Variants in ARL15 observed in about 807,000 individuals in gnomAD.
ARL15 encodes the protein ARF like GTPase 15.
In ARL15, 19 loss-of-function variants were observed where a neutral mutation model predicts 25.2. That is an observed-to-expected ratio of 0.75 (90% confidence interval 0.53 to 1.10). ARL15 has a LOEUF of 1.10. Ranked by LOEUF, ARL15 falls within the 50% of genes least tolerant of loss-of-function variation. The pLI is 0.00. For missense variants in ARL15, 220 were observed against 246.0 expected, an observed-to-expected ratio of 0.89 and a Z score of 0.71; for synonymous variants, 94 against 86.8, an observed-to-expected ratio of 1.08 and a Z score of -0.46.
chr5:54,136,582 C>A (rs990758658), intron 3 of ARL15, among the ~76,000 whole-genome samples: 8 of 151,756 alleles, frequency 5.3e-5, no homozygotes, highest in Non-Finnish European at 1.0e-4. Flanking sequence ...GAAAAAAAAA[C>A]ATACATTAAA....
rs192454190 is a variant in ARL15 at position 54,035,950 on chromosome 5, A to G, written c.462+77252T>C. 1.4e-4 allele frequency among the ~76,000 whole-genome samples: 21 copies of G among 152,228 alleles called. No homozygotes were observed. The East Asian group carries it at 4.0e-3, about 29-fold the overall frequency. ...TGAGAGGATCACTTGAGGCTAGGACATTGATATCAGCCTAGGCAACATAGC... is the reference window on the plus strand; with the variant it reads ...TGAGAGGATCACTTGAGGCTAGGACGTTGATATCAGCCTAGGCAACATAGC... On this transcript the variant is annotated intron_variant, in intron 4 of 4. Transcript: ENST00000504924.
At chr5:53,965,084 T>A (rs1747505135) in intron 4 of ARL15, among the ~76,000 whole-genome samples, 1 of 152,244 alleles carries the variant, frequency 6.6e-6, no homozygotes, top group South Asian at 2.1e-4. Context: ...CTCCTTTAAC[T>A]TCTGCCCAGG....
intron 1 of ARL15, among the ~76,000 whole-genome samples, chr5:54,233,677 G>A (rs979567404): frequency 6.6e-6 from 1 of 152,214 alleles, no homozygotes; most frequent in African/African-American, 2.4e-5. Context: ...GGTTCCACAT[G>A]GCAACTAGCC....
chr5:53,907,124 A>G (rs984547654), intron 4 of ARL15, among the ~76,000 whole-genome samples: 2 of 151,996 alleles, frequency 1.3e-5, no homozygotes, highest in African/African-American at 4.8e-5. Flanking sequence ...GGCTAGCAAG[A>G]AGTACAGCTT....
At chr5:54,258,406 A>C (rs540130872) in intron 1 of ARL15, among the ~76,000 whole-genome samples, 8 of 152,306 alleles carry the variant, frequency 5.3e-5, no homozygotes, top group African/African-American at 1.4e-4. Flanking sequence ...TTCACGAGCT[A>C]TGTCTGTCTA....
chr5:54,280,335 TA>T (rs1758023365), intron 1 of ARL15, among the ~76,000 whole-genome samples: 1 of 152,192 alleles, frequency 6.6e-6, no homozygotes, highest in Non-Finnish European at 1.5e-5. Context: ...TTAAAATAAC[TA>T]AAAAACATGT....
chr5:53,989,599 GTA>G (rs145181110), intron 4 of ARL15, among the ~76,000 whole-genome samples: 2 of 145,710 alleles, frequency 1.4e-5, no homozygotes, highest in Non-Finnish European at 3.0e-5. Flanking sequence ...GTGTGTGTGT[GTA>G]TGGGTGTGTG....
chr5:54,164,954 G>T, intron 2 of ARL15, among the ~76,000 whole-genome samples: 1 of 150,862 alleles, frequency 6.6e-6, no homozygotes, highest in South Asian at 2.1e-4. Flanking sequence ...TTCTTTTTCT[G>T]CCTTCTTTTG....
Position 54,284,473 on chromosome 5 carries a change from C to T in ARL15, c.48+25959G>A, listed in dbSNP as rs191791661. Among the ~76,000 whole-genome samples the T allele has an allele frequency of 1.9e-3, 284 of 152,242 alleles. 1 individual carries two copies. The highest frequency in any genetic ancestry group is 6.3e-3 in the African/African-American group (261 of 41,556). ...CCTAATCCTAACCAGTACAGAGCAA[C>T]GTTTGTTTTTAAAAAGTAGGTATTC... On this transcript the variant is annotated intron_variant, in intron 1 of 4. Transcript: ENST00000504924.
intron 1 of ARL15, among the ~76,000 whole-genome samples, chr5:54,195,788 G>C (rs1755532790): frequency 6.6e-6 from 1 of 151,968 alleles, no homozygotes; most frequent in Admixed American, 6.6e-5. Context: ...TATACAACTA[G>C]CTCATTATTT....
At chr5:54,064,817 A>T (rs1751168522) in intron 4 of ARL15, among the ~76,000 whole-genome samples, 1 of 152,182 alleles carries the variant, frequency 6.6e-6, no homozygotes, top group Non-Finnish European at 1.5e-5. Flanking sequence ...GAACTGTCTG[A>T]GTCAACTTAT....
At chr5:54,098,464 C>T (rs1485168766) in intron 4 of ARL15, among the ~76,000 whole-genome samples, 5 of 152,130 alleles carry the variant, frequency 3.3e-5, no homozygotes, top group Admixed American at 3.3e-4. Flanking sequence ...TGCATCACTG[C>T]TCATTAGATC....
At chr5:53,908,590 A>G (rs1745349809) in intron 4 of ARL15, among the ~76,000 whole-genome samples, 1 of 152,208 alleles carries the variant, frequency 6.6e-6, no homozygotes, top group African/African-American at 2.4e-5. Flanking sequence ...GGACAACTGT[A>G]AAGGGTTTGG....
Position 54,087,064 on chromosome 5 carries a change from T to C in ARL15, c.462+26138A>G, listed in dbSNP as rs111497822. Among the ~76,000 whole-genome samples, 15 of 152,078 alleles carry C rather than the reference T, an allele frequency of 9.9e-5. 1 individual carries two copies. Among genetic ancestry groups the C allele is most frequent in the South Asian group, 4.2e-4 (2 of 4,782 alleles). ...TTTAAGAACTCAGAGTCACTGGGCG[T>C]GGTGGCTCACGCCTGTAATCGCAGC... On this transcript the variant is annotated intron_variant, in intron 4 of 4. Transcript: ENST00000504924.
chr5:54,086,232 C>T (rs11739045), intron 4 of ARL15, among the ~76,000 whole-genome samples: 10,730 of 152,122 alleles, frequency 0.071, 513 homozygotes, highest in Middle Eastern at 0.11. Context: ...TAAGCTTTAG[C>T]ATCTGGATAC....
intron 2 of ARL15, among the ~76,000 whole-genome samples, chr5:54,161,037 C>G: frequency 6.6e-6 from 1 of 151,966 alleles, no homozygotes. Flanking sequence ...TTTTTTAATT[C>G]AAATGCATAG....
chr5:54,174,255 G>C (rs965200786), intron 1 of ARL15, among the ~76,000 whole-genome samples: 4 of 152,116 alleles, frequency 2.6e-5, no homozygotes, highest in Non-Finnish European at 5.9e-5. Flanking sequence ...GAGACTAACA[G>C]GATGCTTGAT....
At chr5:54,235,446 G>A (rs1435288452) in intron 1 of ARL15, among the ~76,000 whole-genome samples, 1 of 151,584 alleles carries the variant, frequency 6.6e-6, no homozygotes, top group Non-Finnish European at 1.5e-5. Flanking sequence ...ATGTACGCAC[G>A]TGTACCCATG....
chr5:53,886,813 A>C lies in ARL15; in HGVS notation c.463-100T>G, dbSNP rs1019271341. On this transcript the variant is annotated intron_variant, in intron 4 of 4. Transcript: ENST00000504924. ...TAAAGTAGGGGAATTTCGAGGCGGA[A>C]TTTATACGAACTGTGATGCCTACAA... is the stretch of plus-strand genomic sequence containing the variant. The C allele has an allele frequency of 5.3e-6, 6 of 1,140,740 alleles. No homozygotes were observed. The Admixed American group carries it at 1.6e-4, about 31-fold the overall frequency. The allele number at this position is 1,140,740 out of a possible 1,614,324, so 70.7% of individuals were successfully genotyped here.
Sources: gnomAD v4.1 joint callset for allele counts (sites outside exome capture counted in the v4.1 genomes callset) on GRCh38, gnomAD v4.1.1 for gene constraint, MANE v1.5 for transcripts, NCBI Gene and HGNC (gene_info 2026-07-23, HGNC 2026-07-21) for gene names.